Variants in DIP2C observed in about 807,000 individuals in gnomAD.
DIP2C encodes the protein DIP2 acetate--CoA ligase C (putative).
A neutral mutation model predicts 192.4 loss-of-function variants in DIP2C; 33 were observed. That is an observed-to-expected ratio of 0.17 (90% CI 0.13 to 0.23). The LOEUF (loss-of-function observed/expected upper bound fraction) is 0.23, where lower values mean the gene tolerates loss of function less well. Ranked by LOEUF, DIP2C falls within the 10% of genes least tolerant of loss-of-function variation. The pLI is 1.00. For synonymous variants in DIP2C, 979 were observed against 864.1 expected, an observed-to-expected ratio of 1.13 and a Z score of -2.33; for missense variants, 1,537 against 2,110.1, an observed-to-expected ratio of 0.73 and a Z score of 5.32.
chr10:297,754 G>A lies in DIP2C; in HGVS notation c.3987-9333C>T, dbSNP rs138843130. On this transcript the variant is annotated intron_variant, in intron 32 of 36. Transcript: ENST00000280886. ...ATACGTTCCAGTGTTCTGTACCACC[G>A]CAGGATGACTATAACTAACAGTAAT... Among the ~76,000 whole-genome samples, 392 of 152,190 alleles carry A rather than the reference G, an allele frequency of 2.6e-3. 1 individual carries two copies. Among genetic ancestry groups the A allele is most frequent in the South Asian group, 8.5e-3 (41 of 4,814 alleles).
Position 333,277 on chromosome 10 carries a change from AG to A in DIP2C, c.3585-3677del, listed in dbSNP as rs1316266161. The stretch of plus-strand genomic sequence containing the variant: ...CCTAAGTTTCACTCATTTTAAGCAC[AG>A]AATGGCTTTTAATAAAATTGAAGAG... On this transcript the variant is annotated intron_variant, in intron 29 of 36. Transcript: ENST00000280886. 2.0e-5 allele frequency among the ~76,000 whole-genome samples: 3 copies of A among 152,242 alleles called. No homozygotes were observed. The East Asian group carries it at 5.8e-4, about 29-fold the overall frequency.
At chr10:297,156 T>G (rs527307124) in intron 32 of DIP2C, among the ~76,000 whole-genome samples, 38 of 151,652 alleles carry the variant, frequency 2.5e-4, no homozygotes, top group African/African-American at 8.7e-4. Flanking sequence ...ATCATGCCAC[T>G]GCACTCCAGC....
chr10:659,058 C>T (rs1856589068), intron 1 of DIP2C, among the ~76,000 whole-genome samples: 1 of 152,104 alleles, frequency 6.6e-6, no homozygotes, highest in Non-Finnish European at 1.5e-5. Context: ...CAACATGTAA[C>T]ACATACATGC....
intron 1 of DIP2C, chr10:669,280 G>C (rs1165605449): frequency 6.6e-6 from 1 of 152,228 alleles, no homozygotes; most frequent in Non-Finnish European, 1.5e-5. Context: ...CATCTGCAGA[G>C]GGCCTGTTAG....
At chr10:324,966 C>T in intron 31 of DIP2C, 1 of 532,576 alleles carries the variant, frequency 1.9e-6, no homozygotes, top group Non-Finnish European at 3.8e-6. Flanking sequence ...CCTTGTAAAC[C>T]ATCTTAAAAC....
chr10:673,069 G>T (rs1035328393), intron 1 of DIP2C, among the ~76,000 whole-genome samples: 1 of 152,194 alleles, frequency 6.6e-6, no homozygotes, highest in Non-Finnish European at 1.5e-5. Flanking sequence ...GGGATGGAAT[G>T]AGCTTTCCCC....
chr10:349,873 GACC>G (rs1251262180), intron 24 of DIP2C, among the ~76,000 whole-genome samples: 6 of 152,032 alleles, frequency 3.9e-5, no homozygotes, highest in African/African-American at 9.7e-5. Context: ...TATTTAGAAA[GACC>G]ACATCAAAAA....
intron 4 of DIP2C, among the ~76,000 whole-genome samples, chr10:437,279 T>C (rs1967335237): frequency 6.8e-6 from 1 of 147,586 alleles, no homozygotes; most frequent in Admixed American, 6.7e-5. Context: ...CTCCTGGACA[T>C]GGTAGGGTGA....
chr10:320,493 A>T (rs1045902149), intron 31 of DIP2C, among the ~76,000 whole-genome samples: 1 of 149,260 alleles, frequency 6.7e-6, no homozygotes, highest in African/African-American at 2.5e-5. Flanking sequence ...GGATGACAAG[A>T]GCAAGACTCC....
chr10:632,370 G>A (rs1854570890), intron 1 of DIP2C, among the ~76,000 whole-genome samples: 1 of 151,500 alleles, frequency 6.6e-6, no homozygotes, highest in Non-Finnish European at 1.5e-5. Context: ...ACCGTAACTG[G>A]AGACCATGCG....
intron 2 of DIP2C, among the ~76,000 whole-genome samples, chr10:478,688 G>A (rs902396407): frequency 5.4e-5 from 8 of 147,392 alleles, no homozygotes; most frequent in East Asian, 2.0e-4. Flanking sequence ...CCAAGTTCCC[G>A]TCTTATTCTC....
intron 1 of DIP2C, among the ~76,000 whole-genome samples, chr10:618,822 C>T (rs919067812): frequency 6.6e-6 from 1 of 152,230 alleles, no homozygotes; most frequent in East Asian, 1.9e-4. Flanking sequence ...CACACGGCCA[C>T]GTTCAGGCTG....
chr10:598,994 C>A (rs970778553), intron 1 of DIP2C, among the ~76,000 whole-genome samples: 3 of 152,250 alleles, frequency 2.0e-5, no homozygotes, highest in Admixed American at 6.5e-5. Flanking sequence ...GCACGGCCCC[C>A]GGGCCCACCT....
chr10:533,689 T>G (rs930607748), intron 1 of DIP2C, among the ~76,000 whole-genome samples: 2 of 148,666 alleles, frequency 1.3e-5, no homozygotes, highest in Non-Finnish European at 3.0e-5. Context: ...TCACAACTAG[T>G]CCACAGGGAA....
chr10:659,754 T>C (rs1856642603), intron 1 of DIP2C, among the ~76,000 whole-genome samples: 1 of 152,250 alleles, frequency 6.6e-6, no homozygotes, highest in Non-Finnish European at 1.5e-5. Flanking sequence ...GGTTGTGTGA[T>C]ACGATGCCAC....
intron 3 of DIP2C, among the ~76,000 whole-genome samples, chr10:447,773 C>T (rs1968398958): frequency 1.8e-5 from 2 of 108,218 alleles, no homozygotes; most frequent in African/African-American, 5.7e-5. Context: ...TCATCCCCGT[C>T]TATACTCAGG....
At chr10:518,346 C>G (rs577266471) in intron 1 of DIP2C, among the ~76,000 whole-genome samples, 3 of 152,356 alleles carry the variant, frequency 2.0e-5, no homozygotes, top group African/African-American at 7.2e-5. Context: ...ATGCTGAAAC[C>G]CTGCTCTTGC....
At chr10:353,917 C>T (rs943000604) in intron 24 of DIP2C, among the ~76,000 whole-genome samples, 11 of 152,158 alleles carry the variant, frequency 7.2e-5, no homozygotes, top group Admixed American at 1.3e-4. Context: ...ACTGAGTTTC[C>T]GCTGGACGGT....
chr10:688,832 C>T (rs1455060462), intron 1 of DIP2C, among the ~76,000 whole-genome samples: 1 of 152,246 alleles, frequency 6.6e-6, no homozygotes, highest in Non-Finnish European at 1.5e-5. Context: ...CGGAGCCCGG[C>T]CCGGGGGGAG....
Sources: allele counts gnomAD v4.1 joint callset (sites outside exome capture counted in the v4.1 genomes callset), GRCh38; gene constraint gnomAD v4.1.1; transcripts MANE v1.5; gene names NCBI Gene and HGNC (gene_info 2026-07-23, HGNC 2026-07-21).